SNX31: variants seen among roughly 807,000 people sequenced by gnomAD.
SNX31 encodes sorting nexin 31, also known as sorting nexin-31.
A neutral mutation model predicts 65.4 loss-of-function variants in SNX31; 58 were observed. The observed-to-expected ratio is 0.89, with a 90% CI of 0.72 to 1.10. The LOEUF (loss-of-function observed/expected upper bound fraction) is 1.10, where lower values mean the gene tolerates loss of function less well. Among genes scored for constraint, SNX31 ranks in the 50% least tolerant of loss-of-function variants. The pLI is 0.00. For missense variants in SNX31, 523 were observed against 529.7 expected (o/e 0.99, Z 0.12); for synonymous variants, 181 against 190.1 (o/e 0.95, Z 0.39).
chr8:100,657,669 G>T (rs1411884063), intron 1 of SNX31: 2 of 455,924 alleles, frequency 4.4e-6, no homozygotes, highest in Non-Finnish European at 8.8e-6. Flanking sequence ...GGAGGGACAA[G>T]ATGGGGATTG....
chr8:100,601,691 T>A (rs1381847503), intron 8 of SNX31, among the ~76,000 whole-genome samples: 2 of 152,342 alleles, frequency 1.3e-5, no homozygotes, highest in East Asian at 3.9e-4. Context: ...GTAACCATCA[T>A]CAGCAAGTGT....
intron 2 of SNX31, among the ~76,000 whole-genome samples, chr8:100,644,292 CAG>C (rs1330152013): frequency 1.3e-5 from 2 of 152,172 alleles, no homozygotes; most frequent in Admixed American, 1.3e-4. Context: ...TGCAAAGAAA[CAG>C]AGCCCCATAT....
chr8:100,656,394 C>T (rs952805500), intron 1 of SNX31, among the ~76,000 whole-genome samples: 2 of 144,784 alleles, frequency 1.4e-5, no homozygotes, highest in Non-Finnish European at 3.1e-5. Flanking sequence ...AATTCCAGCA[C>T]TTTGGGAGGC....
At chr8:100,600,220 T>C (rs918491217) in intron 9 of SNX31, 129 bp downstream of exon 9, 2 of 702,066 alleles carry the variant, frequency 2.8e-6, no homozygotes, top group African/African-American at 1.8e-5. Context: ...ATGAAGATAT[T>C]CTTATTTTTT....
At chr8:100,574,052 A>G in intron 13 of SNX31, 92 bp from the exon 14 acceptor site, 2 of 667,686 alleles carry the variant, frequency 3.0e-6, no homozygotes, top group Non-Finnish European at 2.5e-6. Context: ...CAGTATTGAA[A>G]GGGCAACAGA....
chr8:100,656,267 G>A (rs1820050855), intron 1 of SNX31, among the ~76,000 whole-genome samples: 1 of 152,148 alleles, frequency 6.6e-6, no homozygotes, highest in South Asian at 2.1e-4. Flanking sequence ...CCTCTTCCAA[G>A]TGTACTTTCC....
intron 12 of SNX31, among the ~76,000 whole-genome samples, chr8:100,581,329 C>CTATATCTATATCTA (rs1491502174): frequency 1.1e-4 from 9 of 80,172 alleles, no homozygotes; most frequent in African/African-American, 4.4e-4. Flanking sequence ...CTATATCTAT[C>CTATATCTATATCTA]TATCTATCTA....
intron 2 of SNX31, among the ~76,000 whole-genome samples, chr8:100,645,725 C>A (rs1383979719): frequency 6.6e-6 from 1 of 151,498 alleles, no homozygotes; most frequent in Non-Finnish European, 1.5e-5. Context: ...GATCCTCCCA[C>A]CTCAGGCTCC....
At chr8:100,655,518 C>G (rs1239574337) in intron 1 of SNX31, among the ~76,000 whole-genome samples, 4 of 151,154 alleles carry the variant, frequency 2.6e-5, no homozygotes, top group Non-Finnish European at 5.9e-5. Flanking sequence ...AAGAGGAAAC[C>G]CCTTTTGCTT....
chr8:100,596,905 CAG>C, intron 9 of SNX31, 63 bp from the exon 10 acceptor site: 3 of 1,383,692 alleles, frequency 2.2e-6, no homozygotes, highest in Non-Finnish European at 3.1e-6. Context: ...CCACTTGAAA[CAG>C]ATGAAAACCT....
rs7814986 is a variant in SNX31 at position 100,622,151 on chromosome 8, A to G, written c.322-4421T>C. 0.016 allele frequency among the ~76,000 whole-genome samples: 2,474 copies of G among 152,274 alleles called. 66 individuals carry two copies. Among genetic ancestry groups the G allele is most frequent in the African/African-American group, 0.056 (2,336 of 41,548 alleles). ...TCCACTCTAAATGCTTATTTGTAGAATGTTGTTGGCTTTTTTTTCACGCTT... is the reference window on the plus strand; with the variant it reads ...TCCACTCTAAATGCTTATTTGTAGAGTGTTGTTGGCTTTTTTTTCACGCTT... On this transcript the variant is annotated intron_variant, in intron 4 of 13. Transcript: ENST00000311812. The surrounding 1 kb of genome is among the most constrained non-coding windows in gnomAD (Gnocchi z 5.0).
At position 100,594,938 on chromosome 8, in the gene SNX31, C is replaced by A. The variant is rs1814929427; in HGVS notation, c.978+1701G>T. 6.6e-6 allele frequency among the ~76,000 whole-genome samples: 1 copy of A among 152,192 alleles called. No homozygotes were observed. On this transcript the variant is annotated intron_variant, in intron 10 of 13. Coordinates refer to ENST00000311812, the MANE Select transcript of SNX31 (RefSeq NM_152628.4). The surrounding 1 kb of genome is among the most constrained non-coding windows in gnomAD (Gnocchi z 4.0). The stretch of plus-strand genomic sequence containing the variant: ...AATGGTTAAGCAAACTTTGGCACAT[C>A]CAGACCATGGACTGCTGCTCAACAA...
chr8:100,629,874 G>A lies in SNX31; in HGVS notation c.321+453C>T, dbSNP rs1458457768. ...CCATGATTCATTTACAATAAAGGTAGGAGTAGAGAATATACAAGGAATAGC... is the reference window on the plus strand; with the variant it reads ...CCATGATTCATTTACAATAAAGGTAAGAGTAGAGAATATACAAGGAATAGC... On this transcript the variant is annotated intron_variant, in intron 4 of 13. Transcript: ENST00000311812. This position sits in a 1 kb window ranked among gnomAD's most constrained non-coding sequence, Gnocchi z 5.1. Among the ~76,000 whole-genome samples, 1 of 152,186 alleles carries A rather than the reference G, an allele frequency of 6.6e-6. No individual in the cohort carries two copies. Among genetic ancestry groups the A allele is most frequent in the Non-Finnish European group, 1.5e-5 (1 of 68,040 alleles).
rs200556655 is a variant in SNX31, at chr8:100,615,949, AT to A, written c.432+1670del. 2.5e-3 allele frequency among the ~76,000 whole-genome samples: 369 copies of A among 149,310 alleles called. 11 individuals carry two copies. The East Asian group carries it at 0.067, about 27-fold the overall frequency. On this transcript the variant is annotated intron_variant, in intron 5 of 13. Transcript: ENST00000311812. ...CACGCCCGGCTAATTTTTTTTTTGTATTTTTCAGTAGAGATGTGGTCTCACT... is the reference window on the plus strand; with the variant it reads ...CACGCCCGGCTAATTTTTTTTTTGTATTTTCAGTAGAGATGTGGTCTCACT...
upstream of SNX31, among the ~76,000 whole-genome samples, chr8:100,649,876 C>T (rs1454431376): frequency 3.9e-5 from 6 of 152,246 alleles, no homozygotes; most frequent in East Asian, 1.2e-3. Flanking sequence ...ACGCTGCCTG[C>T]AGTGCACTAA....
At chr8:100,577,675 G>C (rs1214682725) in intron 12 of SNX31, among the ~76,000 whole-genome samples, 1 of 152,188 alleles carries the variant, frequency 6.6e-6, no homozygotes, top group Non-Finnish European at 1.5e-5. Context: ...CTAGCAATGA[G>C]GGGGATTTCC....
intron 4 of SNX31, among the ~76,000 whole-genome samples, chr8:100,628,484 G>C (rs534598629): frequency 6.6e-6 from 1 of 151,154 alleles, no homozygotes; most frequent in Non-Finnish European, 1.5e-5. Context: ...GCAAACTATC[G>C]CAAGGACAAA....
chr8:100,657,320 T>G (rs537337374), intron 1 of SNX31, among the ~76,000 whole-genome samples: 13 of 151,778 alleles, frequency 8.6e-5, no homozygotes, highest in Admixed American at 3.3e-4. Context: ...GGTATGGTGG[T>G]GCATGCCTGT....
chr8:100,641,625 CATAT>C (rs368399829), intron 2 of SNX31, among the ~76,000 whole-genome samples: 11,302 of 47,644 alleles, frequency 0.24, 1,072 homozygotes, highest in Middle Eastern at 0.33. Flanking sequence ...CACACACGCG[CATAT>C]ATATATATAT....
Sources: gnomAD v4.1 joint callset for allele counts (sites outside exome capture counted in the v4.1 genomes callset) on GRCh38, gnomAD v4.1.1 for gene constraint, Gnocchi (gnomAD v3.1) non-coding constraint, MANE v1.5 for transcripts, NCBI Gene and HGNC (gene_info 2026-07-23, HGNC 2026-07-21) for gene names.